The following CFL2 variants were observed in gnomAD, a reference collection of about 807,000 sequenced individuals.
The protein encoded by CFL2 is cofilin 2.
Under a neutral mutation model 19.6 loss-of-function variants are expected in CFL2, and 10 were observed. The ratio of observed to expected loss-of-function variants is 0.51; its 90% CI spans 0.31 to 0.86. CFL2 has a LOEUF of 0.86. Among genes scored for constraint, CFL2 ranks in the 40% least tolerant of loss-of-function variants. CFL2 has a pLI of 0.04. For missense variants in CFL2, 125 were observed against 192.1 expected (o/e 0.65, Z 2.06); for synonymous variants, 63 against 66.7 (o/e 0.95, Z 0.27).
At position 34,712,381 on chromosome 14, in the gene CFL2, C is replaced by T. The variant is rs568751101; in HGVS notation, c.*484G>A. 1 of 454,676 alleles carries T rather than the reference C, an allele frequency of 2.2e-6. No individual in the cohort carries two copies. The highest frequency in any genetic ancestry group is 2.3e-5 in the Admixed American group (1 of 42,558). The allele number at this position is 454,676 out of a possible 1,614,324, so 28.2% of individuals were successfully genotyped here. On this transcript the variant is annotated 3_prime_UTR_variant, in exon 4 of 4. Coordinates refer to ENST00000298159, the MANE Select transcript of CFL2 (RefSeq NM_138638.5). The stretch of plus-strand genomic sequence containing the variant: ...GTGCTTTTAATGCATAGTGTTATAT[C>T]CGTGCTGCCATATCACTAAAATAGG...
chr14:34,714,522 A>G lies in CFL2; in HGVS notation c.3+16T>C, dbSNP rs1214832096. 1 of 1,580,784 alleles carries G rather than the reference A, an allele frequency of 6.3e-7. No homozygotes were observed. Among genetic ancestry groups the G allele is most frequent in the Non-Finnish European group, 8.6e-7 (1 of 1,166,572 alleles). On this transcript the variant is annotated intron_variant, in intron 1 of 3. Coordinates refer to ENST00000298159, the MANE Select transcript of CFL2 (RefSeq NM_138638.5). ...CTCGCCTCGCCGCGGCCTCCCGGCC[A>G]GCGCGCTCGTCTTACCATAGTGCCC...
chr14:34,712,782 A>G lies in CFL2; in HGVS notation c.*83T>C, dbSNP rs757466974. ...AGTGGAAAGGGGGAAATACAACAAA[A>G]AACCAAAACCTAATACTATTCCAAT... is the stretch of plus-strand genomic sequence containing the variant. On this transcript the variant is annotated 3_prime_UTR_variant, in exon 4 of 4. Coordinates refer to ENST00000298159, the MANE Select transcript of CFL2 (RefSeq NM_138638.5). The G allele has an allele frequency of 1.2e-6, 1 of 853,916 alleles. No individual in the cohort carries two copies. Among genetic ancestry groups the G allele is most frequent in the Admixed American group, 1.7e-5 (1 of 58,284 alleles). 52.9% of individuals were successfully genotyped at this position (853,916 alleles called of 1,614,324 possible). A position where few individuals can be genotyped will look rare whatever the true frequency, so the allele number is the denominator to read the frequency against.
rs775859581 is a variant in CFL2, at chr14:34,710,980, G to A, written c.*1885C>T. 9.5e-5 allele frequency: 43 copies of A among 453,874 alleles called. No homozygotes were observed. The highest frequency in any genetic ancestry group is 1.2e-4 in the Non-Finnish European group (27 of 226,798). The allele number at this position is 453,874 out of a possible 1,614,324, so 28.1% of individuals were successfully genotyped here. A position where few individuals can be genotyped will look rare whatever the true frequency, so the allele number is the denominator to read the frequency against. On this transcript the variant is annotated 3_prime_UTR_variant, in exon 4 of 4. Transcript: ENST00000298159. ...GAGTTTGGCCTTACCAAAAACCATC[G>A]AAATGTCCAGGATAACTCACAGGGA...
At position 34,711,021 on chromosome 14, in the gene CFL2, A is replaced by G. The variant is rs768058607; in HGVS notation, c.*1844T>C. ...CTCACAGGGACAGCTGGAAGCCTGAAATAAAATTGCTCAGTGCAAAAAGAT... is the reference window on the plus strand; with the variant it reads ...CTCACAGGGACAGCTGGAAGCCTGAGATAAAATTGCTCAGTGCAAAAAGAT... On this transcript the variant is annotated 3_prime_UTR_variant, in exon 4 of 4. Coordinates refer to ENST00000298159, the MANE Select transcript of CFL2 (RefSeq NM_138638.5). The G allele has an allele frequency of 4.0e-5, 18 of 454,012 alleles. No homozygotes were observed. Among genetic ancestry groups the G allele is most frequent in the Non-Finnish European group, 6.6e-5 (15 of 226,798 alleles). 28.1% of individuals were successfully genotyped at this position (454,012 alleles called of 1,614,324 possible). A position where few individuals can be genotyped will look rare whatever the true frequency, so the allele number is the denominator to read the frequency against.
chr14:34,714,211 G>T (rs1391016062), intron 1 of CFL2: 39 of 392,260 alleles, frequency 9.9e-5, no homozygotes, highest in Non-Finnish European at 2.3e-5. Context: ...TTAAAGCCTC[G>T]CGTGTTAAGT....
chr14:34,713,035 C>T (rs1161848006), intron 3 of CFL2, 25 bp downstream of exon 3: 2 of 1,556,378 alleles, frequency 1.3e-6, no homozygotes, highest in Admixed American at 1.8e-5. Context: ...AATAATTTCT[C>T]TGCCCCAAAT....
In CFL2 at chr14:34,709,169, T is replaced by C. The variant is rs577057436; in HGVS notation, c.*3696A>G. The stretch of plus-strand genomic sequence containing the variant: ...TCTACTTACATACAGTAATTAAGAA[T>C]GAATAGTTTAAACAGATTATTGCAT... On this transcript the variant is annotated 3_prime_UTR_variant, in exon 4 of 4. Transcript: ENST00000298159. 1.3e-5 allele frequency: 2 copies of C among 152,270 alleles called. No individual in the cohort carries two copies. Among genetic ancestry groups the C allele is most frequent in the South Asian group, 2.1e-4 (1 of 4,830 alleles). 9.4% of individuals were successfully genotyped at this position (152,270 alleles called of 1,614,324 possible).
chr14:34,714,392 G>C, intron 1 of CFL2, 146 bp downstream of exon 1: 1 of 1,309,084 alleles, frequency 7.6e-7, no homozygotes. Context: ...AGGGCAGGCC[G>C]GTCGGCTGGA....
Position 34,711,886 on chromosome 14 carries a change from A to T in CFL2, c.*979T>A, listed in dbSNP as rs1172546752. 1 of 454,434 alleles carries T rather than the reference A, an allele frequency of 2.2e-6. No individual in the cohort carries two copies. Among genetic ancestry groups the T allele is most frequent in the Non-Finnish European group, 4.4e-6 (1 of 226,752 alleles). The allele number at this position is 454,434 out of a possible 1,614,324, so 28.2% of individuals were successfully genotyped here. On this transcript the variant is annotated 3_prime_UTR_variant, in exon 4 of 4. Transcript: ENST00000298159. Reference sequence around the variant, plus strand: ...ATCCAACAAATCTGGAAAATATCACACATGAATGCTGTACAAAAAAAATTC... The same window carrying T: ...ATCCAACAAATCTGGAAAATATCACTCATGAATGCTGTACAAAAAAAATTC...
chr14:34,714,582 C>T lies in CFL2; in HGVS notation c.-42G>A, dbSNP rs1407126274. On this transcript the variant is annotated 5_prime_UTR_variant, in exon 1 of 4. Transcript: ENST00000298159. ...GCTGCGGCGGCAGCTCGGGCTTCGG[C>T]TCTGTGGCACTGGGAGGAGAAGGAG... 9 of 1,514,992 alleles carry T rather than the reference C, an allele frequency of 5.9e-6. No individual in the cohort carries two copies. In the South Asian group the frequency reaches 9.3e-5, roughly 16 times the overall value. The allele number at this position is 1,514,992 out of a possible 1,614,324, so 93.8% of individuals were successfully genotyped here.
intron 1 of CFL2, chr14:34,714,200 T>G (rs1885415950): frequency 2.6e-6 from 1 of 382,452 alleles, no homozygotes; most frequent in Non-Finnish European, 4.7e-6. Context: ...ACGTACCAAT[T>G]TTAAAGCCTC....
chr14:34,712,406 G>T lies in CFL2; in HGVS notation c.*459C>A. On this transcript the variant is annotated 3_prime_UTR_variant, in exon 4 of 4. Coordinates refer to ENST00000298159, the MANE Select transcript of CFL2 (RefSeq NM_138638.5). ...CCGTGCTGCCATATCACTAAAATAGGCTTGCCAAGGCAGGTGAGGTGTATG... is the reference window on the plus strand; with the variant it reads ...CCGTGCTGCCATATCACTAAAATAGTCTTGCCAAGGCAGGTGAGGTGTATG... 2.2e-6 allele frequency: 1 copy of T among 454,908 alleles called. No homozygotes were observed. The highest frequency in any genetic ancestry group is 1.6e-5 in the South Asian group (1 of 64,470). The allele number at this position is 454,908 out of a possible 1,614,324, so 28.2% of individuals were successfully genotyped here.
intron 1 of CFL2, chr14:34,713,915 C>A: frequency 8.8e-7 from 1 of 1,141,238 alleles, no homozygotes. Context: ...CTTAAAAAAA[C>A]ACTTTTGGAT....
chr14:34,714,363 G>A lies in CFL2; in HGVS notation c.3+175C>T, dbSNP rs1885422738. ...CCCCCCAAAATCCAAAGAGCAGCAGGGCAGGGCCTGACGGCCGGAGGGCAG... is the reference window on the plus strand; with the variant it reads ...CCCCCCAAAATCCAAAGAGCAGCAGAGCAGGGCCTGACGGCCGGAGGGCAG... On this transcript the variant is annotated intron_variant, in intron 1 of 3. Transcript: ENST00000298159. 6 of 1,106,960 alleles carry A rather than the reference G, an allele frequency of 5.4e-6. No homozygotes were observed. In the South Asian group the frequency reaches 1.1e-4, roughly 21 times the overall value. The allele number at this position is 1,106,960 out of a possible 1,614,324, so 68.6% of individuals were successfully genotyped here.
In CFL2 at chr14:34,711,959, GT is replaced by G; in HGVS notation, c.*905del. On this transcript the variant is annotated 3_prime_UTR_variant, in exon 4 of 4. Transcript: ENST00000298159. ...AGTAATAGCTGTTTTTACCCTAGAA[GT>G]TGTTTCACATAACATTTTGCAAAAT... The G allele has an allele frequency of 2.2e-6, 1 of 454,296 alleles. No homozygotes were observed. 28.1% of individuals were successfully genotyped at this position (454,296 alleles called of 1,614,324 possible). A position where few individuals can be genotyped will look rare whatever the true frequency, so the allele number is the denominator to read the frequency against.
chr14:34,713,724 T>C (rs779187547), intron 1 of CFL2, 163 bp from the exon 2 acceptor site: 1 of 1,612,324 alleles, frequency 6.2e-7, no homozygotes, highest in Non-Finnish European at 8.5e-7. Context: ...CAGTAGACGA[T>C]ACAGCGAAGG....
Position 34,711,391 on chromosome 14 carries a change from C to G in CFL2, c.*1474G>C, listed in dbSNP as rs1374193060. 2.2e-6 allele frequency: 1 copy of G among 454,386 alleles called. No homozygotes were observed. The highest frequency in any genetic ancestry group is 4.4e-6 in the Non-Finnish European group (1 of 226,796). 28.1% of individuals were successfully genotyped at this position (454,386 alleles called of 1,614,324 possible). On this transcript the variant is annotated 3_prime_UTR_variant, in exon 4 of 4. Coordinates refer to ENST00000298159, the MANE Select transcript of CFL2 (RefSeq NM_138638.5). Reference sequence around the variant, plus strand: ...TAGCCCTGGCTAACAGCAAACCGCTCACACTGAGCAGATCAAATTCTCTAT... The same window carrying G: ...TAGCCCTGGCTAACAGCAAACCGCTGACACTGAGCAGATCAAATTCTCTAT...
Position 34,712,830 on chromosome 14 carries a change from G to T in CFL2, c.*35C>A, listed in dbSNP as rs115050412. 20 of 1,144,018 alleles carry T rather than the reference G, an allele frequency of 1.7e-5. No homozygotes were observed. The highest frequency in any genetic ancestry group is 4.0e-6 in the Non-Finnish European group (3 of 750,418). 70.9% of individuals were successfully genotyped at this position (1,144,018 alleles called of 1,614,324 possible). A position where few individuals can be genotyped will look rare whatever the true frequency, so the allele number is the denominator to read the frequency against. ...AATGGACTGAGCTGGAGAAATGGAA[G>T]CTCCTTAAGATCCAGATGGCACTTG... On this transcript the variant is annotated 3_prime_UTR_variant, in exon 4 of 4. Coordinates refer to ENST00000298159, the MANE Select transcript of CFL2 (RefSeq NM_138638.5).
At position 34,712,451 on chromosome 14, in the gene CFL2, A is replaced by G. The variant is rs1885333708; in HGVS notation, c.*414T>C. 2.2e-6 allele frequency: 1 copy of G among 455,934 alleles called. No homozygotes were observed. The highest frequency in any genetic ancestry group is 4.4e-6 in the Non-Finnish European group (1 of 227,876). The allele number at this position is 455,934 out of a possible 1,614,324, so 28.2% of individuals were successfully genotyped here. A position where few individuals can be genotyped will look rare whatever the true frequency, so the allele number is the denominator to read the frequency against. On this transcript the variant is annotated 3_prime_UTR_variant, in exon 4 of 4. Transcript: ENST00000298159. ...TGTATGAATGCTCAAGCCTCACAGAACTGCAATCAAGTGCCAACTATAAAT... is the reference window on the plus strand; with the variant it reads ...TGTATGAATGCTCAAGCCTCACAGAGCTGCAATCAAGTGCCAACTATAAAT...
Sources: allele counts gnomAD v4.1 joint callset, GRCh38; gene constraint gnomAD v4.1.1; transcripts MANE v1.5; gene names NCBI Gene and HGNC (gene_info 2026-07-23, HGNC 2026-07-21).